Variants in TRPM3 observed in about 807,000 individuals in gnomAD.
The protein encoded by TRPM3 is transient receptor potential cation channel subfamily M member 3.
Under a neutral mutation model 181.2 loss-of-function variants are expected in TRPM3, and 77 were observed. The observed-to-expected ratio is 0.42, with a 90% CI of 0.35 to 0.51. TRPM3 has a LOEUF of 0.51. Among genes scored for constraint, TRPM3 ranks in the 20% least tolerant of loss-of-function variants. TRPM3 has a pLI of 0.01. For missense variants in TRPM3, 1,759 were observed against 2,196.7 expected (o/e 0.80, Z 3.98); for synonymous variants, 745 against 796.4 (o/e 0.94, Z 1.09).
intron 1 of TRPM3, among the ~76,000 whole-genome samples, chr9:71,153,737 T>C (rs76903618): frequency 0.023 from 3,544 of 152,170 alleles, 132 homozygotes; most frequent in African/African-American, 0.08. Flanking sequence ...TGCTCATAAA[T>C]AGCAGAGTGA....
At chr9:70,980,047 G>A (rs1038481267) in intron 1 of TRPM3, among the ~76,000 whole-genome samples, 5 of 115,176 alleles carry the variant, frequency 4.3e-5, no homozygotes, top group Non-Finnish European at 1.8e-5. Flanking sequence ...TCCACAGCAT[G>A]TGTGGCCATG....
chr9:71,437,130 T>A (rs1291094029), intron 1 of TRPM3, among the ~76,000 whole-genome samples: 1 of 152,194 alleles, frequency 6.6e-6, no homozygotes, highest in Non-Finnish European at 1.5e-5. Context: ...CTCAACTTTT[T>A]AAAAACTGTC....
At chr9:71,000,445 C>T (rs1342673123) in intron 1 of TRPM3, among the ~76,000 whole-genome samples, 1 of 152,148 alleles carries the variant, frequency 6.6e-6, no homozygotes, top group Admixed American at 6.5e-5. Flanking sequence ...AAAAATAATT[C>T]CCCAAGGTAT....
At chr9:70,916,978 T>C (rs573741570) in intron 1 of TRPM3, 251 of 1,499,054 alleles carry the variant, frequency 1.7e-4, no homozygotes, top group Admixed American at 2.2e-4. Context: ...CAATCTGGTA[T>C]AATTGCCTGG....
chr9:70,941,039 T>C (rs2096881001), intron 1 of TRPM3, among the ~76,000 whole-genome samples: 1 of 152,146 alleles, frequency 6.6e-6, no homozygotes, highest in Admixed American at 6.6e-5. Flanking sequence ...TGGAGGAAAA[T>C]CTGAGCAGTT....
intron 1 of TRPM3, among the ~76,000 whole-genome samples, chr9:71,096,996 G>T (rs894671217): frequency 6.6e-6 from 1 of 152,086 alleles, no homozygotes; most frequent in Non-Finnish European, 1.5e-5. Flanking sequence ...AGAGAAGAAG[G>T]TGGGGGAAGA....
At chr9:70,598,691 C>T (rs563461536) in intron 20 of TRPM3, 21 bp from the exon 21 acceptor site, 2 of 1,609,190 alleles carry the variant, frequency 1.2e-6, no homozygotes, top group Non-Finnish European at 1.7e-6. Flanking sequence ...GGAAGGAGAG[C>T]AGAGTTAGGT....
intron 1 of TRPM3, among the ~76,000 whole-genome samples, chr9:71,034,571 A>G (rs2057950586): frequency 6.6e-6 from 1 of 151,872 alleles, no homozygotes; most frequent in South Asian, 2.1e-4. Flanking sequence ...GTTAAATGAT[A>G]TACTTGGGGG....
intron 1 of TRPM3, among the ~76,000 whole-genome samples, chr9:71,171,572 G>C (rs930740586): frequency 6.6e-6 from 1 of 152,168 alleles, no homozygotes; most frequent in Non-Finnish European, 1.5e-5. Flanking sequence ...ACTATGTACT[G>C]AGTGTGGGTC....
In TRPM3 at chr9:71,171,658, C is replaced by G. The variant is rs886621567; in HGVS notation, c.183+274995G>C. Reference sequence around the variant, plus strand: ...GATAGAAATATAAATAGAAACAATACGGTAATGAGGAAAAGCACAGGGTGT... The same window carrying G: ...GATAGAAATATAAATAGAAACAATAGGGTAATGAGGAAAAGCACAGGGTGT... On this transcript the variant is annotated intron_variant, in intron 1 of 24. Transcript: ENST00000357533. Among the ~76,000 whole-genome samples the G allele has an allele frequency of 3.9e-5, 6 of 151,984 alleles. No individual in the cohort carries two copies. The East Asian group carries it at 9.7e-4, about 24-fold the overall frequency.
intron 1 of TRPM3, among the ~76,000 whole-genome samples, chr9:71,411,911 C>T (rs1163995680): frequency 2.6e-5 from 4 of 151,982 alleles, no homozygotes; most frequent in Non-Finnish European, 5.9e-5. Context: ...CATAGACCAA[C>T]GGAACAGAAC....
intron 1 of TRPM3, among the ~76,000 whole-genome samples, chr9:71,364,608 G>A (rs1215418532): frequency 2.0e-5 from 3 of 152,184 alleles, no homozygotes; most frequent in Non-Finnish European, 1.5e-5. Flanking sequence ...GAGCTAAACT[G>A]GGACAAGGAA....
At chr9:71,413,372 T>C (rs576254365) in intron 1 of TRPM3, among the ~76,000 whole-genome samples, 2 of 152,290 alleles carry the variant, frequency 1.3e-5, no homozygotes, top group African/African-American at 4.8e-5. Context: ...GTGTCTATTA[T>C]TCTTTTTATA....
intron 9 of TRPM3, among the ~76,000 whole-genome samples, chr9:70,656,852 T>G (rs2133869336): frequency 6.6e-6 from 1 of 152,210 alleles, no homozygotes; most frequent in South Asian, 2.1e-4. Flanking sequence ...TCAAAGCTTA[T>G]TTAAAGGTTA....
intron 1 of TRPM3, among the ~76,000 whole-genome samples, chr9:71,353,085 G>A (rs1349451247): frequency 6.6e-6 from 1 of 152,062 alleles, no homozygotes; most frequent in Non-Finnish European, 1.5e-5. Flanking sequence ...GCTGGCTCTA[G>A]ATTCTTACCA....
chr9:71,385,382 G>C (rs115194216), intron 1 of TRPM3, among the ~76,000 whole-genome samples: 1 of 152,144 alleles, frequency 6.6e-6, no homozygotes, highest in Non-Finnish European at 1.5e-5. Flanking sequence ...CAACTCACAA[G>C]GTAAATTTAA....
chr9:70,622,322 G>A (rs904537347), intron 14 of TRPM3, among the ~76,000 whole-genome samples: 4 of 152,172 alleles, frequency 2.6e-5, no homozygotes, highest in Non-Finnish European at 4.4e-5. Flanking sequence ...CTGAATAGAC[G>A]AAGACAAATG....
intron 1 of TRPM3, among the ~76,000 whole-genome samples, chr9:70,878,157 G>T (rs116365833): frequency 6.6e-6 from 1 of 151,960 alleles, no homozygotes; most frequent in Non-Finnish European, 1.5e-5. Context: ...TTATGAAAGC[G>T]GGCATGCATT....
intron 8 of TRPM3, among the ~76,000 whole-genome samples, chr9:70,700,228 C>T (rs777457852): frequency 6.6e-6 from 1 of 152,180 alleles, no homozygotes; most frequent in Non-Finnish European, 1.5e-5. Context: ...GGTGATGCAC[C>T]TGCCCCAGCC....
Sources: gnomAD v4.1 joint callset for allele counts (sites outside exome capture counted in the v4.1 genomes callset) on GRCh38, gnomAD v4.1.1 for gene constraint, MANE v1.5 for transcripts, NCBI Gene and HGNC (gene_info 2026-07-23, HGNC 2026-07-21) for gene names.